The following SMCO4 variants were observed in gnomAD, a reference collection of about 807,000 sequenced individuals.
The protein encoded by SMCO4 is single-pass membrane and coiled-coil domain-containing protein 4.
A neutral mutation model predicts 3.6 loss-of-function variants in SMCO4; 4 were observed. The ratio of observed to expected loss-of-function variants is 1.11; its 90% CI spans 0.54 to 2.53. SMCO4 has a LOEUF of 2.53. Ranked by LOEUF, SMCO4 falls within the 30% of genes most tolerant of loss-of-function variation. The pLI, the probability that SMCO4 is intolerant of heterozygous loss-of-function variation, is 0.02. For missense variants in SMCO4, 70 were observed against 80.8 expected, an observed-to-expected ratio of 0.87 and a Z score of 0.51; for synonymous variants, 36 against 35.3, an observed-to-expected ratio of 1.02 and a Z score of -0.07.
chr11:93,525,437 A>C (rs1036560789), intron 1 of SMCO4, among the ~76,000 whole-genome samples: 1 of 152,198 alleles, frequency 6.6e-6, no homozygotes, highest in Non-Finnish European at 1.5e-5. Flanking sequence ...GTAAAAATTA[A>C]ATTTGATTCC....
chr11:93,545,848 G>T (rs189976488), upstream of SMCO4, among the ~76,000 whole-genome samples: 171 of 152,310 alleles, frequency 1.1e-3, 1 homozygote, highest in African/African-American at 3.8e-3. Context: ...CTTTCGATGT[G>T]CACTTGTGCC....
chr11:93,534,205 A>AT (rs1405706401), intron 1 of SMCO4, among the ~76,000 whole-genome samples: 2,348 of 49,406 alleles, frequency 0.048, 175 homozygotes, highest in African/African-American at 0.096. Context: ...AAAAAAAAAA[A>AT]ATATATATAT....
intron 1 of SMCO4, among the ~76,000 whole-genome samples, chr11:93,541,031 A>G (rs1040345544): frequency 9.9e-5 from 15 of 152,236 alleles, no homozygotes; most frequent in Non-Finnish European, 5.9e-5. Context: ...GTCAAACCCA[A>G]TATGGATTTT....
intron 1 of SMCO4, among the ~76,000 whole-genome samples, chr11:93,501,025 G>A (rs1472062858): frequency 6.6e-6 from 1 of 152,190 alleles, no homozygotes; most frequent in Non-Finnish European, 1.5e-5. Context: ...GCTCTCCCCA[G>A]ATCTGGCCCT....
intron 2 of SMCO4, among the ~76,000 whole-genome samples, chr11:93,483,298 G>A (rs66464546): frequency 0.11 from 17,282 of 152,244 alleles, 1,260 homozygotes; most frequent in Non-Finnish European, 0.16. Context: ...CTGGGCTAAG[G>A]ATCGCCTCAC....
Position 93,543,309 on chromosome 11 carries a change from A to G in SMCO4, c.-187T>C, listed in dbSNP as rs1277792750. 6.8e-6 allele frequency: 1 copy of G among 146,318 alleles called. No individual in the cohort carries two copies. Among genetic ancestry groups the G allele is most frequent in the Non-Finnish European group, 1.5e-5 (1 of 66,082 alleles). The allele number at this position is 146,318 out of a possible 1,614,324, so 9.1% of individuals were successfully genotyped here. A position where few individuals can be genotyped will look rare whatever the true frequency, so the allele number is the denominator to read the frequency against. On this transcript the variant is annotated 5_prime_UTR_variant, in exon 1 of 3. Coordinates refer to ENST00000298966, the MANE Select transcript of SMCO4 (RefSeq NM_020179.3). ...GGGCGCCGCCGCCGCCGCCGCCACC[A>G]CTGCCGGGAATACGTGGCAGTGGCC...
At chr11:93,483,525 G>T (rs1017149659) in intron 2 of SMCO4, among the ~76,000 whole-genome samples, 1 of 152,178 alleles carries the variant, frequency 6.6e-6, no homozygotes, top group African/African-American at 2.4e-5. Context: ...AGGCCTGGGG[G>T]TGGAGGGAGC....
intron 2 of SMCO4, among the ~76,000 whole-genome samples, chr11:93,489,182 C>T (rs1234147048): frequency 2.0e-5 from 3 of 152,158 alleles, no homozygotes; most frequent in Non-Finnish European, 4.4e-5. Flanking sequence ...ATCGGCCCTG[C>T]AACCTCAGGC....
At position 93,543,163 on chromosome 11, in the gene SMCO4, A is replaced by G. The variant is rs1200917888; in HGVS notation, c.-154+113T>C. 6.2e-5 allele frequency: 9 copies of G among 145,104 alleles called. 1 individual carries two copies. Among genetic ancestry groups the G allele is most frequent in the African/African-American group, 2.0e-4 (8 of 39,880 alleles). The allele number at this position is 145,104 out of a possible 1,614,324, so 9.0% of individuals were successfully genotyped here. Reference sequence around the variant, plus strand: ...CGGAGGCGGAGCCGGCGTGGCGGGAACCGTACTGTCCCGGCGCCGCACCCC... The same window carrying G: ...CGGAGGCGGAGCCGGCGTGGCGGGAGCCGTACTGTCCCGGCGCCGCACCCC... On this transcript the variant is annotated intron_variant, in intron 1 of 2. Coordinates refer to ENST00000298966, the MANE Select transcript of SMCO4 (RefSeq NM_020179.3).
chr11:93,522,591 T>C (rs1949068106), intron 1 of SMCO4, among the ~76,000 whole-genome samples: 1 of 152,274 alleles, frequency 6.6e-6, no homozygotes, highest in Non-Finnish European at 1.5e-5. Context: ...ATGCCTAAGA[T>C]ATAACAGGGC....
intron 1 of SMCO4, among the ~76,000 whole-genome samples, chr11:93,514,073 G>T (rs1177011473): frequency 6.6e-6 from 1 of 152,018 alleles, no homozygotes; most frequent in African/African-American, 2.4e-5. Flanking sequence ...CCTGTCGTAG[G>T]TGCTCAACAA....
chr11:93,507,205 G>A (rs1004006492), intron 1 of SMCO4, among the ~76,000 whole-genome samples: 3 of 152,146 alleles, frequency 2.0e-5, no homozygotes, highest in Non-Finnish European at 4.4e-5. Flanking sequence ...AGGAGTTCAA[G>A]GTCAGCCTGA....
the SMCO4 span, among the ~76,000 whole-genome samples, chr11:93,551,171 T>C: frequency 7.2e-6 from 1 of 138,154 alleles, no homozygotes; most frequent in South Asian, 2.5e-4. Flanking sequence ...AAAAAATGTA[T>C]ATAATTACAA....
chr11:93,479,315 G>T (rs1393855990), intron 2 of SMCO4, 46 bp from the exon 3 acceptor site: 3 of 1,417,188 alleles, frequency 2.1e-6, no homozygotes, highest in African/African-American at 1.4e-5. Flanking sequence ...CCAAATAGAA[G>T]AAAAAATAAA....
At chr11:93,547,307 C>A (rs1188386049), upstream of SMCO4, among the ~76,000 whole-genome samples, 1 of 152,160 alleles carries the variant, frequency 6.6e-6, no homozygotes, top group Non-Finnish European at 1.5e-5. Flanking sequence ...AACAGGACAC[C>A]TTGAATGAAA....
At chr11:93,534,279 C>G (rs12280489) in intron 1 of SMCO4, among the ~76,000 whole-genome samples, 1 of 142,620 alleles carries the variant, frequency 7.0e-6, no homozygotes, top group Non-Finnish European at 1.5e-5. Flanking sequence ...TATATATATA[C>G]ATATATACAC....
chr11:93,550,143 G>A, the SMCO4 span, among the ~76,000 whole-genome samples: 34 of 152,206 alleles, frequency 2.2e-4, no homozygotes, highest in Admixed American at 1.4e-3. Flanking sequence ...CCCTGCTGCC[G>A]GCAACCAAAG....
At chr11:93,493,037 G>C (rs1948736401) in intron 2 of SMCO4, among the ~76,000 whole-genome samples, 1 of 152,226 alleles carries the variant, frequency 6.6e-6, no homozygotes, top group Non-Finnish European at 1.5e-5. Flanking sequence ...TTGAGCTGCT[G>C]AAGTTGCATT....
chr11:93,551,230 T>C, the SMCO4 span, among the ~76,000 whole-genome samples: 1 of 152,192 alleles, frequency 6.6e-6, no homozygotes, highest in Non-Finnish European at 1.5e-5. Flanking sequence ...CAAGGTTCTA[T>C]GAGAAAGTTT....
Sources: allele counts gnomAD v4.1 joint callset (sites outside exome capture counted in the v4.1 genomes callset), GRCh38; gene constraint gnomAD v4.1.1; transcripts MANE v1.5; gene names NCBI Gene and HGNC (gene_info 2026-07-23, HGNC 2026-07-21).